Variants in CACNA2D3 observed in about 807,000 individuals in gnomAD.
CACNA2D3 encodes the protein voltage-dependent calcium channel subunit alpha-2/delta-3.
CACNA2D3 carries 60 observed loss-of-function variants against 160.6 expected under a neutral mutation model. That is an observed-to-expected ratio of 0.37 (90% CI 0.30 to 0.46). The LOEUF (loss-of-function observed/expected upper bound fraction) is 0.46. Among genes scored for constraint, CACNA2D3 ranks in the 20% least tolerant of loss-of-function variants. CACNA2D3 has a pLI of 1.00. For missense variants in CACNA2D3, 1,205 were observed against 1,365.0 expected (o/e 0.88, Z 1.85); for synonymous variants, 558 against 492.9 (o/e 1.13, Z -1.75).
At chr3:54,522,416 G>GT (rs946297610) in intron 5 of CACNA2D3, among the ~76,000 whole-genome samples, 3 of 152,062 alleles carry the variant, frequency 2.0e-5, no homozygotes, top group Non-Finnish European at 4.4e-5. Context: ...AGTTGTAATA[G>GT]TTTTTTATTG....
At chr3:54,191,460 C>T (rs1700982713) in intron 2 of CACNA2D3, among the ~76,000 whole-genome samples, 1 of 151,536 alleles carries the variant, frequency 6.6e-6, no homozygotes, top group Admixed American at 6.6e-5. Context: ...TTTTCAGTTT[C>T]ATACGCATGC....
intron 11 of CACNA2D3, among the ~76,000 whole-genome samples, chr3:54,659,290 G>A (rs1318819430): frequency 3.3e-5 from 5 of 152,110 alleles, no homozygotes; most frequent in Admixed American, 6.5e-5. Context: ...CACAGTGTGC[G>A]TTCAGGGAGC....
At chr3:54,609,682 A>G (rs1698708802) in intron 9 of CACNA2D3, among the ~76,000 whole-genome samples, 1 of 152,204 alleles carries the variant, frequency 6.6e-6, no homozygotes, top group African/African-American at 2.4e-5. Flanking sequence ...AAAATTTTAA[A>G]TATGCTTCTT....
chr3:54,898,087 T>TTGCC (rs889463456), intron 26 of CACNA2D3, among the ~76,000 whole-genome samples: 4 of 151,440 alleles, frequency 2.6e-5, no homozygotes, highest in African/African-American at 7.3e-5. Context: ...GCTTGCTTGC[T>TTGCC]TTCTTCCTTC....
chr3:54,362,366 C>T (rs1054056168), intron 3 of CACNA2D3, among the ~76,000 whole-genome samples: 10 of 152,214 alleles, frequency 6.6e-5, no homozygotes, highest in African/African-American at 1.9e-4. Flanking sequence ...CCCTCAGAGG[C>T]CGCCTTCAAG....
intron 35 of CACNA2D3, among the ~76,000 whole-genome samples, chr3:55,065,020 G>A (rs1263357969): frequency 6.6e-6 from 1 of 152,190 alleles, no homozygotes; most frequent in Non-Finnish European, 1.5e-5. Flanking sequence ...AAATAACAGA[G>A]GAGAGTGAGC....
intron 27 of CACNA2D3, among the ~76,000 whole-genome samples, chr3:54,900,299 C>G (rs1700297649): frequency 6.6e-6 from 1 of 152,160 alleles, no homozygotes; most frequent in Non-Finnish European, 1.5e-5. Context: ...ATTTTCATCC[C>G]CCTAATCCCC....
intron 2 of CACNA2D3, among the ~76,000 whole-genome samples, chr3:54,186,731 G>GAA (rs61058248): frequency 1.3e-5 from 2 of 149,790 alleles, no homozygotes; most frequent in South Asian, 2.1e-4. Flanking sequence ...TATGTCTTCT[G>GAA]AAAAAAAAAA....
chr3:54,871,739 G>A (rs1460390905), intron 18 of CACNA2D3, 117 bp downstream of exon 18: 3 of 708,358 alleles, frequency 4.2e-6, no homozygotes, highest in African/African-American at 1.8e-5. Context: ...CTGGCTACCA[G>A]AGGGACGTGG....
intron 17 of CACNA2D3, among the ~76,000 whole-genome samples, chr3:54,859,154 C>T (rs1052572460): frequency 1.3e-5 from 2 of 152,204 alleles, no homozygotes; most frequent in East Asian, 1.9e-4. Flanking sequence ...TCTTTAATTA[C>T]TGCAGCTCAA....
At chr3:54,153,340 T>G (rs1700185728) in intron 2 of CACNA2D3, among the ~76,000 whole-genome samples, 1 of 152,180 alleles carries the variant, frequency 6.6e-6, no homozygotes, top group East Asian at 1.9e-4. Flanking sequence ...AGCAGACAGT[T>G]AGGAAAGGAG....
chr3:54,498,114 T>C (rs902548676), intron 4 of CACNA2D3, among the ~76,000 whole-genome samples: 6 of 151,734 alleles, frequency 4.0e-5, no homozygotes. Context: ...ATAGGAAGTA[T>C]TTTCTCCTCT....
chr3:54,774,303 T>TAG (rs772842724), intron 13 of CACNA2D3, among the ~76,000 whole-genome samples: 6 of 152,038 alleles, frequency 3.9e-5, no homozygotes, highest in Non-Finnish European at 7.4e-5. Context: ...GCAGGCTATG[T>TAG]AGGAAGCATG....
chr3:54,453,187 C>A (rs1700338772), intron 4 of CACNA2D3, among the ~76,000 whole-genome samples: 1 of 152,024 alleles, frequency 6.6e-6, no homozygotes, highest in Non-Finnish European at 1.5e-5. Context: ...CAGATGAGGT[C>A]TTTCTGTGTT....
intron 2 of CACNA2D3, among the ~76,000 whole-genome samples, chr3:54,217,232 A>T (rs1404011803): frequency 6.6e-6 from 1 of 152,066 alleles, no homozygotes; most frequent in African/African-American, 2.4e-5. Context: ...CCTTATGGGG[A>T]CAGGCATGGT....
intron 8 of CACNA2D3, among the ~76,000 whole-genome samples, chr3:54,578,241 C>A (rs943924138): frequency 1.3e-5 from 2 of 152,222 alleles, no homozygotes; most frequent in African/African-American, 4.8e-5. Flanking sequence ...GTATCCTTTT[C>A]TTCCTTAGAC....
intron 2 of CACNA2D3, among the ~76,000 whole-genome samples, chr3:54,162,073 G>A (rs1036630456): frequency 2.0e-5 from 3 of 152,146 alleles, no homozygotes; most frequent in Non-Finnish European, 4.4e-5. Flanking sequence ...ATTTAGCCTC[G>A]GTCTGAAGGC....
In CACNA2D3 at chr3:55,030,171, A is replaced by G. The variant is rs572334563; in HGVS notation, c.2987+11854A>G. Among the ~76,000 whole-genome samples the G allele has an allele frequency of 1.8e-4, 27 of 152,214 alleles. No individual in the cohort carries two copies. In the South Asian group the frequency reaches 5.0e-3, roughly 28 times the overall value. On this transcript the variant is annotated intron_variant, in intron 35 of 37. Transcript: ENST00000474759. ...CCAAGTCAAAATAGTTCCTGTCTCA[A>G]TTCTACACAGTCATACCCAAGCAGC...
intron 13 of CACNA2D3, among the ~76,000 whole-genome samples, chr3:54,786,804 G>A (rs1018192530): frequency 6.6e-6 from 1 of 152,130 alleles, no homozygotes; most frequent in African/African-American, 2.4e-5. Context: ...GAAACTGGGA[G>A]CACATACGGT....
Sources: gnomAD v4.1 joint callset for allele counts (sites outside exome capture counted in the v4.1 genomes callset) on GRCh38, gnomAD v4.1.1 for gene constraint, MANE v1.5 for transcripts, NCBI Gene and HGNC (gene_info 2026-07-23, HGNC 2026-07-21) for gene names.